PARP15: variants seen among roughly 807,000 people sequenced by gnomAD.
The protein encoded by PARP15 is poly(ADP-ribose) polymerase family member 15, also known as protein mono-ADP-ribosyltransferase PARP15.
In PARP15, 50 loss-of-function variants were observed where a neutral mutation model predicts 62.1. The observed-to-expected ratio is 0.81, with a 90% CI of 0.64 to 1.02. The LOEUF (loss-of-function observed/expected upper bound fraction) is 1.02, where lower values mean the gene tolerates loss of function less well. Ranked by LOEUF, PARP15 falls within the 50% of genes least tolerant of loss-of-function variation. The pLI is 0.00. For missense variants in PARP15, 820 were observed against 826.5 expected, an observed-to-expected ratio of 0.99 and a Z score of 0.10; for synonymous variants, 309 against 293.1, an observed-to-expected ratio of 1.05 and a Z score of -0.55.
chr3:122,625,425 T>C (rs1936657098), intron 8 of PARP15, among the ~76,000 whole-genome samples: 1 of 152,132 alleles, frequency 6.6e-6, no homozygotes, highest in African/African-American at 2.4e-5. Flanking sequence ...GGCTAATTTT[T>C]GTATTTTTAG....
At chr3:122,579,857 T>C (rs1296660648) in intron 1 of PARP15, among the ~76,000 whole-genome samples, 1 of 151,266 alleles carries the variant, frequency 6.6e-6, no homozygotes, top group Non-Finnish European at 1.5e-5. Context: ...CACACACCTG[T>C]AGTCCCAGCT....
At chr3:122,633,501 A>G in intron 10 of PARP15, among the ~76,000 whole-genome samples, 1 of 151,770 alleles carries the variant, frequency 6.6e-6, no homozygotes, top group Non-Finnish European at 1.5e-5. Flanking sequence ...GGTTGAGTGT[A>G]CTTAATGTGT....
chr3:122,617,605 G>A lies in PARP15; in HGVS notation c.1000+441G>A, dbSNP rs548743294. Among the ~76,000 whole-genome samples, 9 of 152,224 alleles carry A rather than the reference G, an allele frequency of 5.9e-5. No individual in the cohort carries two copies. The South Asian group carries it at 6.2e-4, about 11-fold the overall frequency. On this transcript the variant is annotated intron_variant, in intron 6 of 11. Transcript: ENST00000464300. ...TTCTCTTCTCTGCATTACACTGACC[G>A]AGAAATGAAACGCAACCGTTTTTCT...
chr3:122,628,605 AACTGACTT>A (rs1421212055), intron 9 of PARP15, among the ~76,000 whole-genome samples: 1 of 152,228 alleles, frequency 6.6e-6, no homozygotes, highest in Non-Finnish European at 1.5e-5. Context: ...CGAGATTTTA[AACTGACTT>A]ACAAATTTAA....
Position 122,578,378 on chromosome 3 carries a change from T to C in PARP15, c.186+525T>C, listed in dbSNP as rs1319204268. Among the ~76,000 whole-genome samples, 8 of 152,188 alleles carry C rather than the reference T, an allele frequency of 5.3e-5. 1 individual carries two copies. Among genetic ancestry groups the C allele is most frequent in the Admixed American group, 4.6e-4 (7 of 15,278 alleles). ...TACTTGAACTGATGTATTTTTTACA[T>C]TTAGATCTATAATACATTTGGAGTG... On this transcript the variant is annotated intron_variant, in intron 1 of 11. Coordinates refer to ENST00000464300, the MANE Select transcript of PARP15 (RefSeq NM_001113523.3).
At chr3:122,634,471 G>C (rs1232532658) in intron 10 of PARP15, among the ~76,000 whole-genome samples, 1 of 152,166 alleles carries the variant, frequency 6.6e-6, no homozygotes, top group African/African-American at 2.4e-5. Context: ...AGTGAAAGAA[G>C]AGCAGAGTTT....
At chr3:122,594,931 T>C (rs1337893966) in intron 1 of PARP15, 11 of 910,620 alleles carry the variant, frequency 1.2e-5, no homozygotes, top group Non-Finnish European at 1.4e-5. Context: ...GTAACCAATG[T>C]TCAGTATTTC....
intron 1 of PARP15, among the ~76,000 whole-genome samples, chr3:122,580,789 A>G (rs1413355770): frequency 6.6e-6 from 1 of 152,172 alleles, no homozygotes. Context: ...CCTTTTGGCT[A>G]TTGTGACTAA....
intron 3 of PARP15, 62 bp downstream of exon 3, chr3:122,610,792 G>C (rs1935510948): frequency 7.2e-7 from 1 of 1,391,984 alleles, no homozygotes; most frequent in African/African-American, 1.5e-5. Flanking sequence ...TTCTGGTGTG[G>C]TATAGATCTG....
chr3:122,605,965 T>G lies in PARP15; in HGVS notation c.216T>G (p.Asp72Glu). 6.4e-7 allele frequency: 1 copy of G among 1,551,660 alleles called. No homozygotes were observed. Among genetic ancestry groups the G allele is most frequent in the Non-Finnish European group, 8.7e-7 (1 of 1,146,886 alleles). The change falls in exon 2 of 12, where the codon GAT (aspartate) becomes GAG (glutamate). Residue 72 changes from aspartate to glutamate, a missense_variant. Around this residue, in one of 3 missense-constraint regions of PARP15, gnomAD observed 731 missense variants for 727.7 expected, o/e 1.00. Transcript: ENST00000464300. Reference protein sequence around the residue: ...MSRDNKFSKKDCLSIRNVVAS... With the variant: ...MSRDNKFSKKECLSIRNVVAS... ...GAGACAACAAGTTCAGCAAGAAAGATTGTCTTTCAATCAGGAATGTTGTAG... is the reference window on the plus strand; with the variant it reads ...GAGACAACAAGTTCAGCAAGAAAGAGTGTCTTTCAATCAGGAATGTTGTAG...
chr3:122,590,719 G>T (rs1224050538), intron 1 of PARP15, among the ~76,000 whole-genome samples: 2 of 152,172 alleles, frequency 1.3e-5, no homozygotes, highest in African/African-American at 4.8e-5. Context: ...CTAAGGGAAA[G>T]TTCCTTTATT....
chr3:122,580,835 A>C (rs58329276), intron 1 of PARP15, among the ~76,000 whole-genome samples: 56,254 of 151,804 alleles, frequency 0.37, 10,812 homozygotes, highest in Admixed American at 0.46. Flanking sequence ...ATGACTGTAC[A>C]AATACAGTCA....
Sources: allele counts gnomAD v4.1 joint callset (sites outside exome capture counted in the v4.1 genomes callset), GRCh38; gene constraint gnomAD v4.1.1; regional missense constraint gnomAD v4.1.1; transcripts MANE v1.5; gene names NCBI Gene and HGNC (gene_info 2026-07-23, HGNC 2026-07-21).